The following PATJ variants were observed in gnomAD, a reference collection of about 807,000 sequenced individuals.
The protein encoded by PATJ is PATJ crumbs cell polarity complex component, also known as inaD-like protein.
PATJ carries 190 observed loss-of-function variants against 224.9 expected under a neutral mutation model. The ratio of observed to expected loss-of-function variants is 0.84; its 90% CI spans 0.75 to 0.95. PATJ has a LOEUF of 0.95. Among genes scored for constraint, PATJ ranks in the 40% least tolerant of loss-of-function variants. PATJ has a pLI of 0.00. For synonymous variants in PATJ, 769 were observed against 820.3 expected (o/e 0.94, Z 1.07); for missense variants, 2,121 against 2,270.3 (o/e 0.93, Z 1.34).
intron 18 of PATJ, among the ~76,000 whole-genome samples, chr1:61,860,605 C>T (rs1466821170): frequency 6.6e-6 from 1 of 152,098 alleles, no homozygotes; most frequent in Non-Finnish European, 1.5e-5. Context: ...GGGCAGATCA[C>T]CTGGGAGGTC....
At chr1:61,792,322 A>G (rs1294191339) in intron 9 of PATJ, among the ~76,000 whole-genome samples, 1 of 152,178 alleles carries the variant, frequency 6.6e-6, no homozygotes, top group East Asian at 1.9e-4. Flanking sequence ...AAAAGAGCTC[A>G]GTGTGGATTG....
chr1:61,751,938 A>G (rs1645355654), intron 1 of PATJ, among the ~76,000 whole-genome samples: 1 of 152,128 alleles, frequency 6.6e-6, no homozygotes, highest in Non-Finnish European at 1.5e-5. Flanking sequence ...TGGGAGTTTC[A>G]GACCAGTCTG....
chr1:61,796,223 A>T (rs985381671), intron 10 of PATJ, among the ~76,000 whole-genome samples: 6 of 152,228 alleles, frequency 3.9e-5, no homozygotes, highest in Non-Finnish European at 8.8e-5. Flanking sequence ...GAAAGTTGAA[A>T]TACTTACAGC....
intron 24 of PATJ, among the ~76,000 whole-genome samples, chr1:61,907,831 T>C (rs1045168581): frequency 1.3e-5 from 2 of 152,250 alleles, no homozygotes; most frequent in African/African-American, 4.8e-5. Flanking sequence ...TAAGGAACTG[T>C]TTACACTTAC....
At chr1:61,956,289 A>G (rs1164864954) in intron 27 of PATJ, among the ~76,000 whole-genome samples, 6 of 152,236 alleles carry the variant, frequency 3.9e-5, no homozygotes, top group African/African-American at 1.4e-4. Flanking sequence ...TGAAATTTTT[A>G]CAAATTGTAG....
intron 27 of PATJ, among the ~76,000 whole-genome samples, chr1:61,930,995 G>A (rs1052023646): frequency 1.3e-5 from 2 of 151,996 alleles, no homozygotes; most frequent in African/African-American, 2.4e-5. Flanking sequence ...GAGCCACCAC[G>A]CCCAGCCTAA....
At position 61,777,117 on chromosome 1, in the gene PATJ, A is replaced by G. The variant is rs534571070; in HGVS notation, c.849+1783A>G. Among the ~76,000 whole-genome samples, 3 of 152,324 alleles carry G rather than the reference A, an allele frequency of 2.0e-5. No individual in the cohort carries two copies. The East Asian group carries it at 5.8e-4, about 29-fold the overall frequency. On this transcript the variant is annotated intron_variant, in intron 7 of 43. Coordinates refer to ENST00000642238, the MANE Select transcript of PATJ (RefSeq NM_001350145.3). ...TTATCCAGACTTGGGTATTTGGAAG[A>G]TGTTTTCTTGAGAATGGATGATGTG...
intron 41 of PATJ, among the ~76,000 whole-genome samples, chr1:62,131,814 C>T (rs544545693): frequency 6.6e-6 from 1 of 151,950 alleles, no homozygotes; most frequent in African/African-American, 2.4e-5. Flanking sequence ...CATTATTTAA[C>T]TATAATGTCA....
At chr1:61,979,692 C>T (rs915188301) in intron 27 of PATJ, among the ~76,000 whole-genome samples, 2 of 150,800 alleles carry the variant, frequency 1.3e-5, no homozygotes, top group African/African-American at 2.4e-5. Flanking sequence ...GAAGAGCATA[C>T]ACATTTATTT....
intron 27 of PATJ, among the ~76,000 whole-genome samples, chr1:61,937,420 T>G (rs981866837): frequency 1.3e-5 from 2 of 151,956 alleles, no homozygotes; most frequent in Admixed American, 6.6e-5. Flanking sequence ...TATTAAAGAT[T>G]TTGGGAAAAA....
At chr1:61,939,977 A>T (rs866355848) in intron 27 of PATJ, among the ~76,000 whole-genome samples, 14 of 152,122 alleles carry the variant, frequency 9.2e-5, no homozygotes, top group African/African-American at 3.4e-4. Flanking sequence ...CCCGGCCTAT[A>T]TATGCTTATT....
At position 61,813,372 on chromosome 1, in the gene PATJ, TATATATACACAC is replaced by T. The variant is rs1176045903; in HGVS notation, c.1683+4844_1683+4855del. Among the ~76,000 whole-genome samples the T allele has an allele frequency of 8.4e-3, 372 of 44,532 alleles. 6 individuals carry two copies. The highest frequency in any genetic ancestry group is 0.014 in the South Asian group (21 of 1,452). The allele number at this position is 44,532 out of a possible 152,430, so 29.2% of individuals were successfully genotyped here. On this transcript the variant is annotated intron_variant, in intron 14 of 43. Transcript: ENST00000642238. ...ATATATATATATATATATATATATATATATATACACACACACACACACACACATACACACATA... is the reference window on the plus strand; with the variant it reads ...ATATATATATATATATATATATATATACACACACACACACATACACACATA...
chr1:62,049,295 T>C (rs1387078488), intron 30 of PATJ, among the ~76,000 whole-genome samples: 2 of 149,534 alleles, frequency 1.3e-5, no homozygotes, highest in African/African-American at 5.0e-5. Flanking sequence ...TATTTTTTTT[T>C]CTGAAAAGAT....
intron 17 of PATJ, among the ~76,000 whole-genome samples, chr1:61,851,572 C>T (rs1015124319): frequency 6.6e-6 from 1 of 152,074 alleles, no homozygotes; most frequent in Non-Finnish European, 1.5e-5. Context: ...ATTTTCCTTC[C>T]ACGAAGAATA....
chr1:61,856,959 T>C (rs1016951256), intron 18 of PATJ, among the ~76,000 whole-genome samples: 2 of 152,222 alleles, frequency 1.3e-5, no homozygotes, highest in African/African-American at 4.8e-5. Context: ...CAAGATGGTA[T>C]GATAAGTTGA....
chr1:62,093,324 C>T (rs1013293856), intron 33 of PATJ, among the ~76,000 whole-genome samples: 6 of 152,146 alleles, frequency 3.9e-5, no homozygotes, highest in African/African-American at 1.2e-4. Flanking sequence ...TCTGGTACTG[C>T]TTTTGATAAT....
intron 21 of PATJ, among the ~76,000 whole-genome samples, chr1:61,877,579 T>G (rs1667501849): frequency 1.3e-5 from 2 of 152,012 alleles, no homozygotes; most frequent in Non-Finnish European, 2.9e-5. Flanking sequence ...TTTAAAAGTG[T>G]GTGGCACTTC....
intron 30 of PATJ, among the ~76,000 whole-genome samples, chr1:62,044,050 A>G (rs902287703): frequency 1.3e-5 from 2 of 152,178 alleles, no homozygotes; most frequent in Non-Finnish European, 2.9e-5. Context: ...AAATATGTGT[A>G]TGTTGTAGAA....
At chr1:62,045,168 C>T (rs1341372070) in intron 30 of PATJ, among the ~76,000 whole-genome samples, 1 of 151,820 alleles carries the variant, frequency 6.6e-6, no homozygotes, top group African/African-American at 2.4e-5. Flanking sequence ...TTGCAGTGAG[C>T]TGAGATCGTG....
Sources: gnomAD v4.1 joint callset for allele counts (sites outside exome capture counted in the v4.1 genomes callset) on GRCh38, gnomAD v4.1.1 for gene constraint, MANE v1.5 for transcripts, NCBI Gene and HGNC (gene_info 2026-07-23, HGNC 2026-07-21) for gene names.